Variants in CDK6 observed in about 807,000 individuals in gnomAD.
CDK6 encodes cyclin dependent kinase 6.
In CDK6, 6 loss-of-function variants were observed where a neutral mutation model predicts 37.1. The observed-to-expected ratio is 0.16, with a 90% CI of 0.09 to 0.32. The LOEUF (loss-of-function observed/expected upper bound fraction) is 0.32. Ranked by LOEUF, CDK6 falls within the 10% of genes least tolerant of loss-of-function variation. CDK6 has a pLI of 1.00. For synonymous variants in CDK6, 160 were observed against 161.3 expected (o/e 0.99, Z 0.06); for missense variants, 224 against 418.9 (o/e 0.53, Z 4.06).
At chr7:92,628,907 C>T (rs1276134582) in intron 5 of CDK6, among the ~76,000 whole-genome samples, 1 of 151,908 alleles carries the variant, frequency 6.6e-6, no homozygotes, top group Non-Finnish European at 1.5e-5. Context: ...CTTGCTTCAG[C>T]CAGGTATGAA....
chr7:92,624,417 C>A (rs1347015551), intron 5 of CDK6, among the ~76,000 whole-genome samples: 1 of 152,056 alleles, frequency 6.6e-6, no homozygotes, highest in Non-Finnish European at 1.5e-5. Context: ...CACATGCACA[C>A]AGAGAAATAA....
chr7:92,677,053 T>C (rs1797221863), intron 4 of CDK6, among the ~76,000 whole-genome samples: 1 of 152,172 alleles, frequency 6.6e-6, no homozygotes, highest in South Asian at 2.1e-4. Context: ...ATAAGTTCAA[T>C]GAAAGCTAAA....
chr7:92,613,879 A>C lies in CDK6; in HGVS notation c.*1261T>G. On this transcript the variant is annotated 3_prime_UTR_variant, in exon 8 of 8. Transcript: ENST00000424848. ...TGACCCTGTTAGGTTTGCAGAATCGAGGCCATAAACCATAAGCTGAGACTG... is the reference window on the plus strand; with the variant it reads ...TGACCCTGTTAGGTTTGCAGAATCGCGGCCATAAACCATAAGCTGAGACTG... 4.3e-6 allele frequency: 1 copy of C among 233,262 alleles called. No homozygotes were observed. Among genetic ancestry groups the C allele is most frequent in the East Asian group, 6.0e-5 (1 of 16,582 alleles). 14.4% of individuals were successfully genotyped at this position (233,262 alleles called of 1,614,324 possible).
intron 5 of CDK6, among the ~76,000 whole-genome samples, chr7:92,635,679 T>C (rs2282979): frequency 0.24 from 36,449 of 152,154 alleles, 4,793 homozygotes; most frequent in Middle Eastern, 0.37. Flanking sequence ...CTGTGGTTTC[T>C]TTTCCTTGTT....
chr7:92,620,533 G>T (rs1242630273), intron 6 of CDK6, among the ~76,000 whole-genome samples: 1 of 152,148 alleles, frequency 6.6e-6, no homozygotes, highest in African/African-American at 2.4e-5. Flanking sequence ...AGATGTCACA[G>T]GCTAAAACTA....
chr7:92,641,612 A>G (rs1219884645), intron 5 of CDK6, among the ~76,000 whole-genome samples: 1 of 152,214 alleles, frequency 6.6e-6, no homozygotes, highest in Non-Finnish European at 1.5e-5. Flanking sequence ...AGAACATAAT[A>G]CATACTATTT....
chr7:92,699,739 C>G (rs1797800465), intron 4 of CDK6, among the ~76,000 whole-genome samples: 1 of 152,216 alleles, frequency 6.6e-6, no homozygotes, highest in African/African-American at 2.4e-5. Flanking sequence ...CATATCTGTT[C>G]TCAAAAGCTC....
At chr7:92,814,555 CAAAAA>C (rs201939605) in intron 2 of CDK6, among the ~76,000 whole-genome samples, 1 of 70,034 alleles carries the variant, frequency 1.4e-5, no homozygotes. Context: ...AACTGAATTG[CAAAAA>C]AAAAAAAAAA....
intron 3 of CDK6, among the ~76,000 whole-genome samples, chr7:92,768,423 G>A (rs879438552): frequency 4.6e-5 from 7 of 152,184 alleles, no homozygotes; most frequent in Non-Finnish European, 7.4e-5. Flanking sequence ...TCCAACATTC[G>A]ACTTTGCTTC....
intron 2 of CDK6, among the ~76,000 whole-genome samples, chr7:92,811,593 C>G (rs1800886039): frequency 6.6e-6 from 1 of 151,702 alleles, no homozygotes. Flanking sequence ...ATTTGTTGAA[C>G]AGCTCCTATG....
In CDK6 at chr7:92,609,345, T is replaced by C. The variant is rs970776784; in HGVS notation, c.*5795A>G. 4.3e-6 allele frequency: 1 copy of C among 231,764 alleles called. No individual in the cohort carries two copies. Among genetic ancestry groups the C allele is most frequent in the Non-Finnish European group, 8.5e-6 (1 of 117,254 alleles). The allele number at this position is 231,764 out of a possible 1,614,324, so 14.4% of individuals were successfully genotyped here. A position where few individuals can be genotyped will look rare whatever the true frequency, so the allele number is the denominator to read the frequency against. ...AAGTCTTTAAGTAGACTTGTAAATT[T>C]AAAAAAAGTATATAAAGTTGCCAAA... On this transcript the variant is annotated 3_prime_UTR_variant, in exon 8 of 8. Transcript: ENST00000424848.
intron 4 of CDK6, among the ~76,000 whole-genome samples, chr7:92,692,060 G>T (rs1045718360): frequency 6.6e-6 from 1 of 152,110 alleles, no homozygotes; most frequent in Non-Finnish European, 1.5e-5. Flanking sequence ...CTGAAGTCAG[G>T]AGTTCAAAAC....
chr7:92,779,685 C>G (rs1206715252), intron 2 of CDK6, among the ~76,000 whole-genome samples: 1 of 152,116 alleles, frequency 6.6e-6, no homozygotes, highest in Non-Finnish European at 1.5e-5. Flanking sequence ...ACCTAGTACT[C>G]CATGGAAGAC....
chr7:92,776,549 CT>C (rs1307061909), intron 2 of CDK6, among the ~76,000 whole-genome samples: 1 of 152,208 alleles, frequency 6.6e-6, no homozygotes, highest in African/African-American at 2.4e-5. Context: ...ATTCCTGTTT[CT>C]CCACATCCTC....
chr7:92,799,773 C>CA (rs1562968613), intron 2 of CDK6, among the ~76,000 whole-genome samples: 1 of 152,090 alleles, frequency 6.6e-6, no homozygotes, highest in Non-Finnish European at 1.5e-5. Context: ...ATGTGGGGCT[C>CA]AAAAAAGATT....
In CDK6 at chr7:92,618,168, A is replaced by G. The variant is rs1194920927; in HGVS notation, c.738T>C (p.Asp246=). 1 of 1,614,172 alleles carries G rather than the reference A, an allele frequency of 6.2e-7. No homozygotes were observed. The highest frequency in any genetic ancestry group is 1.1e-5 in the South Asian group (1 of 91,090). ...GAAAAGCCTGCCTGGGAAGGGCAAC[A>G]TCTCTAGGCCAGTCTTCTTCTCCTG... ...GLPGEEDWPR[D]VALPRQAFHS... is the part of the protein sequence containing the mutation. The change falls in exon 7 of 8, where the codon GAT becomes GAC. Residue 246 remains aspartate, a synonymous_variant. Coordinates refer to ENST00000424848, the MANE Select transcript of CDK6 (RefSeq NM_001145306.2).
chr7:92,632,327 A>C (rs1430450571), intron 5 of CDK6, among the ~76,000 whole-genome samples: 1 of 152,212 alleles, frequency 6.6e-6, no homozygotes, highest in African/African-American at 2.4e-5. Context: ...AGAAAAAAAG[A>C]AGCTTTGCTC....
intron 2 of CDK6, among the ~76,000 whole-genome samples, chr7:92,775,681 C>T (rs1799832255): frequency 6.6e-6 from 1 of 152,086 alleles, no homozygotes; most frequent in Non-Finnish European, 1.5e-5. Flanking sequence ...ACAACAGATT[C>T]TCACCAAATG....
chr7:92,671,845 C>G lies in CDK6; in HGVS notation c.538-310G>C, dbSNP rs535012141. On this transcript the variant is annotated intron_variant, in intron 4 of 7. Transcript: ENST00000424848. ...TTAGAAACCGTTTTTTTTCTCCCCC[C>G]CTTTAAGGGCCTTTAAAAAATAATA... Among the ~76,000 whole-genome samples, 50 of 151,666 alleles carry G rather than the reference C, an allele frequency of 3.3e-4. 1 individual carries two copies. Among genetic ancestry groups the G allele is most frequent in the Admixed American group, 2.5e-3 (38 of 15,190 alleles).
Sources: allele counts gnomAD v4.1 joint callset (sites outside exome capture counted in the v4.1 genomes callset), GRCh38; gene constraint gnomAD v4.1.1; transcripts MANE v1.5; gene names NCBI Gene and HGNC (gene_info 2026-07-23, HGNC 2026-07-21).